Variants in RNLS observed in about 807,000 individuals in gnomAD.
The protein encoded by RNLS is renalase, FAD dependent amine oxidase.
A neutral mutation model predicts 39.8 loss-of-function variants in RNLS; 39 were observed. That is an observed-to-expected ratio of 0.98 (90% confidence interval 0.76 to 1.28). The LOEUF (loss-of-function observed/expected upper bound fraction) is 1.28, where lower values mean the gene tolerates loss of function less well. RNLS is among the 50% of genes most tolerant of loss of function. The pLI is 0.00. For synonymous variants in RNLS, 147 were observed against 150.7 expected (o/e 0.98, Z 0.18); for missense variants, 410 against 413.3 (o/e 0.99, Z 0.07).
the RNLS span, among the ~76,000 whole-genome samples, chr10:88,173,796 TA>T: frequency 2.0e-4 from 31 of 151,778 alleles, no homozygotes; most frequent in Middle Eastern, 3.4e-3. Flanking sequence ...GGTCTTTTTT[TA>T]AAAAAAAATT....
intron 5 of RNLS, among the ~76,000 whole-genome samples, chr10:88,337,961 A>G (rs1297017436): frequency 2.0e-5 from 3 of 152,186 alleles, no homozygotes; most frequent in Admixed American, 1.3e-4. Flanking sequence ...AGTGTAAAAC[A>G]GAAGATTAGA....
At chr10:88,202,154 T>C in the RNLS span, among the ~76,000 whole-genome samples, 3 of 152,004 alleles carry the variant, frequency 2.0e-5, no homozygotes, top group Non-Finnish European at 4.4e-5. Context: ...TGTAGGGACA[T>C]GAATGAAGCT....
chr10:88,533,195 C>G (rs907561836), intron 4 of RNLS, among the ~76,000 whole-genome samples: 9 of 152,054 alleles, frequency 5.9e-5, no homozygotes, highest in Admixed American at 2.0e-4. Flanking sequence ...GAGTGCCAGT[C>G]AATTCTCTTA....
At position 88,284,578 on chromosome 10, in the gene RNLS, A is replaced by T. The variant is rs1189065660; in HGVS notation, c.*776T>A. 2.0e-6 allele frequency: 2 copies of T among 985,204 alleles called. No homozygotes were observed. Among genetic ancestry groups the T allele is most frequent in the Non-Finnish European group, 2.4e-6 (2 of 829,840 alleles). The allele number at this position is 985,204 out of a possible 1,614,324, so 61.0% of individuals were successfully genotyped here. A position where few individuals can be genotyped will look rare whatever the true frequency, so the allele number is the denominator to read the frequency against. On this transcript the variant is annotated 3_prime_UTR_variant, in exon 7 of 7. Coordinates refer to ENST00000331772, the MANE Select transcript of RNLS (RefSeq NM_001031709.3). ...CGACACAGTCTAAATGCCACAGCACATACTGGAGAACCCATAAAGTAACAG... is the reference window on the plus strand; with the variant it reads ...CGACACAGTCTAAATGCCACAGCACTTACTGGAGAACCCATAAAGTAACAG...
chr10:88,516,137 G>A (rs545923960), intron 4 of RNLS, among the ~76,000 whole-genome samples: 1 of 152,122 alleles, frequency 6.6e-6, no homozygotes, highest in African/African-American at 2.4e-5. Flanking sequence ...CCAGAACCGT[G>A]AGAAAATAAA....
At chr10:88,504,531 C>A (rs898778246) in intron 4 of RNLS, among the ~76,000 whole-genome samples, 6 of 151,716 alleles carry the variant, frequency 4.0e-5, no homozygotes, top group African/African-American at 1.2e-4. Flanking sequence ...GTAGTTTTAA[C>A]TTTGACTATG....
chr10:88,213,196 A>C, the RNLS span, among the ~76,000 whole-genome samples: 1 of 152,124 alleles, frequency 6.6e-6, no homozygotes, highest in Non-Finnish European at 1.5e-5. Context: ...TTGGCAAATA[A>C]ATTGCCATAT....
intron 4 of RNLS, among the ~76,000 whole-genome samples, chr10:88,410,252 TTCAA>T (rs1163463789): frequency 6.6e-6 from 1 of 152,278 alleles, no homozygotes; most frequent in African/African-American, 2.4e-5. Flanking sequence ...TTCAAATTAA[TTCAA>T]TCAGAGAATT....
chr10:88,332,207 C>A (rs773320079), intron 5 of RNLS, among the ~76,000 whole-genome samples: 6 of 152,252 alleles, frequency 3.9e-5, no homozygotes, highest in Non-Finnish European at 8.8e-5. Flanking sequence ...GCTATGATAA[C>A]ACTCCTCACC....
the RNLS span, among the ~76,000 whole-genome samples, chr10:88,236,851 A>T: frequency 6.6e-6 from 1 of 152,174 alleles, no homozygotes; most frequent in Non-Finnish European, 1.5e-5. Flanking sequence ...CCCAGTAGTG[A>T]TAAGTACAAG....
chr10:88,312,357 G>A (rs566057470), intron 6 of RNLS, among the ~76,000 whole-genome samples: 2 of 152,250 alleles, frequency 1.3e-5, no homozygotes, highest in South Asian at 4.1e-4. Context: ...GCAAGAAAAT[G>A]GATTCTCTCC....
chr10:88,389,577 A>C (rs1031591404), intron 4 of RNLS, among the ~76,000 whole-genome samples: 5 of 12,202 alleles, frequency 4.1e-4, no homozygotes, highest in African/African-American at 2.5e-3. Flanking sequence ...GTTGTTAAGG[A>C]TCCTTTTAGG....
intron 4 of RNLS, among the ~76,000 whole-genome samples, chr10:88,469,020 A>T (rs149930057): frequency 6.6e-6 from 1 of 152,188 alleles, no homozygotes; most frequent in Non-Finnish European, 1.5e-5. Flanking sequence ...GGGAAAATAA[A>T]TGTTCATGAT....
At chr10:88,395,049 G>C (rs1041268478) in intron 4 of RNLS, among the ~76,000 whole-genome samples, 1 of 151,920 alleles carries the variant, frequency 6.6e-6, no homozygotes, top group Non-Finnish European at 1.5e-5. Context: ...GTTGTGGGGT[G>C]GGGGGACGGG....
chr10:88,526,785 A>T (rs1021910297), intron 4 of RNLS, among the ~76,000 whole-genome samples: 1 of 151,750 alleles, frequency 6.6e-6, no homozygotes. Flanking sequence ...AAAAATCTGG[A>T]AGCTACTGAA....
rs1589941302 is a variant in RNLS at position 88,517,940 on chromosome 10, T to C, written c.526+54963A>G. On this transcript the variant is annotated intron_variant, in intron 4 of 6. Transcript: ENST00000331772. ...TGGTATTAAAACATTAAGATTCTTT[T>C]GTTATAAATCTTAATTTTGTGAAGT... Among the ~76,000 whole-genome samples, 3 of 152,038 alleles carry C rather than the reference T, an allele frequency of 2.0e-5. No homozygotes were observed. In the East Asian group the frequency reaches 5.8e-4, roughly 29 times the overall value.
At chr10:88,532,171 C>A (rs1847464249) in intron 4 of RNLS, among the ~76,000 whole-genome samples, 1 of 152,066 alleles carries the variant, frequency 6.6e-6, no homozygotes, top group South Asian at 2.1e-4. Flanking sequence ...CTGTTAAATG[C>A]ATAATCTAAT....
intron 5 of RNLS, among the ~76,000 whole-genome samples, chr10:88,341,329 C>CAAAA (rs755002114): frequency 9.0e-4 from 45 of 49,924 alleles, no homozygotes; most frequent in East Asian, 1.4e-3. Context: ...AACTCCATCT[C>CAAAA]AAAAAAAAAA....
At chr10:88,440,092 G>T (rs1376479272) in intron 4 of RNLS, among the ~76,000 whole-genome samples, 2 of 152,056 alleles carry the variant, frequency 1.3e-5, no homozygotes, top group African/African-American at 4.8e-5. Flanking sequence ...TTCTTTATAG[G>T]TCCTAACAGG....
Sources: allele counts gnomAD v4.1 joint callset (sites outside exome capture counted in the v4.1 genomes callset), GRCh38; gene constraint gnomAD v4.1.1; transcripts MANE v1.5; gene names NCBI Gene and HGNC (gene_info 2026-07-23, HGNC 2026-07-21).